ANKRD17: variants seen among roughly 807,000 people sequenced by gnomAD.
ANKRD17 encodes the protein ankyrin repeat domain 17.
ANKRD17 carries 19 observed loss-of-function variants against 229.7 expected under a neutral mutation model. The ratio of observed to expected loss-of-function variants is 0.08; its 90% CI spans 0.06 to 0.12. The LOEUF (loss-of-function observed/expected upper bound fraction) is 0.12. Ranked by LOEUF, ANKRD17 falls within the 10% of genes least tolerant of loss-of-function variation. The pLI, the probability that ANKRD17 is intolerant of heterozygous loss-of-function variation, is 1.00. For synonymous variants in ANKRD17, 1,112 were observed against 1,146.1 expected (o/e 0.97, Z 0.60); for missense variants, 2,176 against 3,176.8 (o/e 0.68, Z 7.57).
chr4:73,115,705 C>G (rs534939377), intron 23 of ANKRD17, 116 bp downstream of exon 23: 1 of 708,664 alleles, frequency 1.4e-6, no homozygotes, highest in Non-Finnish European at 2.4e-6. Flanking sequence ...TTCCCAAATA[C>G]TAGATAAATG....
chr4:73,258,716 C>A lies in ANKRD17; in HGVS notation c.-48G>T. On this transcript the variant is annotated 5_prime_UTR_variant, in exon 1 of 34. Transcript: ENST00000358602. ...CGGACGGGGGAGGGGCGTGGGGCTA[C>A]GCTCTACCGCGACTTCGGCCGCACT... 7.2e-7 allele frequency: 1 copy of A among 1,393,392 alleles called. No individual in the cohort carries two copies. Among genetic ancestry groups the A allele is most frequent in the Non-Finnish European group, 9.2e-7 (1 of 1,084,438 alleles). The allele number at this position is 1,393,392 out of a possible 1,614,324, so 86.3% of individuals were successfully genotyped here.
At chr4:73,125,745 A>AAAAG (rs1553918526) in intron 16 of ANKRD17, among the ~76,000 whole-genome samples, 33 of 144,468 alleles carry the variant, frequency 2.3e-4, no homozygotes, top group South Asian at 6.5e-4. Flanking sequence ...AAAAAAAAAA[A>AAAAG]AAAAGAAAAG....
intron 2 of ANKRD17, among the ~76,000 whole-genome samples, chr4:73,176,606 A>C (rs1022769134): frequency 6.7e-6 from 1 of 150,244 alleles, no homozygotes; most frequent in African/African-American, 2.4e-5. Context: ...ATGAGTATCA[A>C]AAAAAAAAAG....
intron 5 of ANKRD17, among the ~76,000 whole-genome samples, chr4:73,154,997 C>T (rs1216122896): frequency 6.7e-6 from 1 of 150,288 alleles, no homozygotes; most frequent in African/African-American, 2.5e-5. Context: ...GCCGAGATCC[C>T]GCCACTGCAC....
intron 12 of ANKRD17, 88 bp from the exon 13 acceptor site, chr4:73,142,473 C>T (rs1467169020): frequency 3.8e-6 from 6 of 1,568,494 alleles, no homozygotes; most frequent in Non-Finnish European, 5.2e-6. Context: ...CCAACAGGTC[C>T]CAGACGCATT....
At position 73,125,011 on chromosome 4, in the gene ANKRD17, C is replaced by A; in HGVS notation, c.3394G>T (p.Val1132Leu). 1 of 1,614,166 alleles carries A rather than the reference C, an allele frequency of 6.2e-7. No homozygotes were observed. The highest frequency in any genetic ancestry group is 8.5e-7 in the Non-Finnish European group (1 of 1,180,032). The change falls in exon 18 of 34, where the codon GTG becomes TTG. Residue 1132 changes from valine (V) to leucine (L), a missense_variant. Coordinates refer to ENST00000358602, the MANE Select transcript of ANKRD17 (RefSeq NM_032217.5). ...LAATAGHVGV[V>L]EILLDNGADI... is the part of the protein sequence containing the mutation. ...GCACCATTGTCCAGCAATATTTCCA[C>A]AACACCAACATGACCAGCTGTGGCA... is the stretch of plus-strand genomic sequence containing the variant.
At position 73,118,675 on chromosome 4, in the gene ANKRD17, G is replaced by A. The variant is rs765533569; in HGVS notation, c.4188+13C>T. The A allele has an allele frequency of 8.1e-6, 13 of 1,613,448 alleles. No individual in the cohort carries two copies. In the East Asian group the frequency reaches 2.5e-4, roughly 30 times the overall value. On this transcript the variant is annotated intron_variant, in intron 22 of 33. Transcript: ENST00000358602. ...AAAAAACATCCAGGTAAATGAGGATGAAAGACTTATACCTTTCTAAATGCT... is the reference window on the plus strand; with the variant it reads ...AAAAAACATCCAGGTAAATGAGGATAAAAGACTTATACCTTTCTAAATGCT...
intron 30 of ANKRD17, among the ~76,000 whole-genome samples, chr4:73,079,100 A>C (rs1721293958): frequency 6.6e-6 from 1 of 152,226 alleles, no homozygotes; most frequent in South Asian, 2.1e-4. Context: ...CAAAATGTTC[A>C]ACTACAAAGG....
intron 1 of ANKRD17, among the ~76,000 whole-genome samples, chr4:73,216,136 A>C (rs1026523716): frequency 6.6e-6 from 1 of 152,240 alleles, no homozygotes; most frequent in African/African-American, 2.4e-5. Flanking sequence ...TCTTCCATTA[A>C]GTCAGATGTT....
chr4:73,100,377 C>G (rs995431809), intron 25 of ANKRD17, among the ~76,000 whole-genome samples: 1 of 151,832 alleles, frequency 6.6e-6, no homozygotes, highest in Admixed American at 6.6e-5. Flanking sequence ...CCCCCTCCCC[C>G]TGTTCTGTTG....
chr4:73,250,126 A>G lies in ANKRD17; in HGVS notation c.393+8150T>C, dbSNP rs142820557. 9.8e-3 allele frequency among the ~76,000 whole-genome samples: 1,494 copies of G among 152,270 alleles called. 11 individuals are homozygous for G. The highest frequency in any genetic ancestry group is 0.02 in the Middle Eastern group (6 of 294). On this transcript the variant is annotated intron_variant, in intron 1 of 33. Transcript: ENST00000358602. The stretch of plus-strand genomic sequence containing the variant: ...CTTAACTTCACCCTACATTATACTA[A>G]GCTTTTACCAAAAAAGCATGCTGTA...
At chr4:73,080,549 A>G (rs916772091) in intron 30 of ANKRD17, among the ~76,000 whole-genome samples, 4 of 152,210 alleles carry the variant, frequency 2.6e-5, no homozygotes, top group Non-Finnish European at 5.9e-5. Context: ...AAGATAAATA[A>G]CAAAAGCTTG....
chr4:73,126,456 G>A (rs1375937774), intron 16 of ANKRD17, among the ~76,000 whole-genome samples: 1 of 151,778 alleles, frequency 6.6e-6, no homozygotes, highest in Non-Finnish European at 1.5e-5. Flanking sequence ...CTGAGAAGTA[G>A]GCCTTGAAAT....
chr4:73,161,463 T>G (rs377205886), intron 2 of ANKRD17, 115 bp from the exon 3 acceptor site: 1 of 1,000,588 alleles, frequency 1.0e-6, no homozygotes, highest in Non-Finnish European at 1.5e-6. Flanking sequence ...AATGGTAGAG[T>G]AGACATATAT....
In ANKRD17 at chr4:73,148,941, A is replaced by G. The variant is rs1730642526; in HGVS notation, c.1439T>C (p.Val480Ala). The G allele has an allele frequency of 2.5e-6, 4 of 1,613,606 alleles. No homozygotes were observed. The highest frequency in any genetic ancestry group is 3.4e-6 in the Non-Finnish European group (4 of 1,179,734). The change falls in exon 8 of 34, where the codon GTG becomes GCG. Residue 480 changes from valine (V) to alanine (A), a missense_variant. This residue lies in a region of ANKRD17 where 42 missense variants were observed against 141.3 expected (regional missense o/e 0.30). Transcript: ENST00000358602. Reference sequence around the variant, plus strand: ...TTCAATAAGTAAAGCCGCAAGTTCCACATGCCCACCACATGCAGCCAAAGT... The same window carrying G: ...TTCAATAAGTAAAGCCGCAAGTTCCGCATGCCCACCACATGCAGCCAAAGT... ...PLTLAACGGH[V>A]ELAALLIERG...
intron 25 of ANKRD17, among the ~76,000 whole-genome samples, chr4:73,099,447 C>T (rs770626882): frequency 8.5e-5 from 13 of 152,208 alleles, no homozygotes; most frequent in Non-Finnish European, 1.3e-4. Flanking sequence ...CTTAGCCACA[C>T]CCTGCACATG....
chr4:73,241,371 T>C (rs79497621), intron 1 of ANKRD17, among the ~76,000 whole-genome samples: 1 of 152,126 alleles, frequency 6.6e-6, no homozygotes, highest in Non-Finnish European at 1.5e-5. Context: ...AAACGGTCCA[T>C]TAACTAATGA....
chr4:73,105,042 C>T (rs1443547779), intron 24 of ANKRD17, among the ~76,000 whole-genome samples: 1 of 152,054 alleles, frequency 6.6e-6, no homozygotes, highest in East Asian at 1.9e-4. Context: ...TTAAAGCCGG[C>T]GTTTTGATAA....
intron 10 of ANKRD17, among the ~76,000 whole-genome samples, chr4:73,145,781 T>C (rs1730195103): frequency 6.6e-6 from 1 of 152,188 alleles, no homozygotes; most frequent in Non-Finnish European, 1.5e-5. Context: ...TCTCCCTTGT[T>C]AGACTTAGTG....
Sources: allele counts gnomAD v4.1 joint callset (sites outside exome capture counted in the v4.1 genomes callset), GRCh38; gene constraint gnomAD v4.1.1; regional missense constraint gnomAD v4.1.1; transcripts MANE v1.5; gene names NCBI Gene and HGNC (gene_info 2026-07-23, HGNC 2026-07-21).